Variants in CHD7 observed in about 807,000 individuals in gnomAD.
CHD7 encodes ATP-dependent chromatin remodeler CHD7.
CHD7 carries 24 observed loss-of-function variants against 307.3 expected under a neutral mutation model. The ratio of observed to expected loss-of-function variants is 0.08; its 90% CI spans 0.06 to 0.11. The LOEUF is 0.11. Among genes scored for constraint, CHD7 ranks in the 10% least tolerant of loss-of-function variants. The probability of loss-of-function intolerance (pLI) is 1.00; values close to 1 mark genes in which losing one functional copy is unlikely to be tolerated. For missense variants in CHD7, 3,106 were observed against 3,727.1 expected (o/e 0.83, Z 4.34); for synonymous variants, 1,363 against 1,349.9 (o/e 1.01, Z -0.21).
At chr8:60,798,753 A>G (rs1157979507) in intron 4 of CHD7, among the ~76,000 whole-genome samples, 4 of 152,222 alleles carry the variant, frequency 2.6e-5, no homozygotes, top group African/African-American at 9.6e-5. Flanking sequence ...GTGCTTTGCA[A>G]ACTCATTCCA....
intron 2 of CHD7, among the ~76,000 whole-genome samples, chr8:60,769,131 C>T (rs915226377): frequency 2.0e-5 from 3 of 152,126 alleles, no homozygotes; most frequent in Non-Finnish European, 2.9e-5. Context: ...TTTTTCAAAG[C>T]GTTCAGGTAT....
Position 60,853,252 on chromosome 8 carries a change from A to G in CHD7, c.6527A>G (p.Glu2176Gly). 1.2e-6 allele frequency: 2 copies of G among 1,613,500 alleles called. No homozygotes were observed. The highest frequency in any genetic ancestry group is 1.7e-6 in the Non-Finnish European group (2 of 1,179,526). ...CTGGAACAAGCCGAAGGCAAAGTGG[A>G]GGAGCCTGAAAACCCAGCTGCCAAG... The part of the protein sequence containing the change: ...RVLEQAEGKV[E>G]EPENPAAKEK... Residue 2176 changes from glutamate to glycine, a missense_variant, in exon 31 of 38, where the codon GAG becomes GGG. Glu to Gly is a moderately conservative substitution (Grantham distance 98, BLOSUM62 -2). This residue lies in a region of CHD7 where 1,030 missense variants were observed against 1,165.4 expected (regional missense o/e 0.88). Transcript: ENST00000423902.
intron 1 of CHD7, among the ~76,000 whole-genome samples, chr8:60,708,121 G>C (rs180974985): frequency 2.1e-4 from 32 of 152,284 alleles, no homozygotes; most frequent in Non-Finnish European, 2.6e-4. Flanking sequence ...GGAAGAATTT[G>C]GTCTAGGAGA....
At chr8:60,835,566 C>G (rs2150774456) in intron 15 of CHD7, among the ~76,000 whole-genome samples, 1 of 152,294 alleles carries the variant, frequency 6.6e-6, no homozygotes, top group Middle Eastern at 3.4e-3. Flanking sequence ...TTTTGTAGTT[C>G]CTTTGCCTAT....
At chr8:60,754,289 C>CT (rs1312964606) in intron 2 of CHD7, among the ~76,000 whole-genome samples, 2 of 152,196 alleles carry the variant, frequency 1.3e-5, no homozygotes, top group Non-Finnish European at 2.9e-5. Context: ...ATGATACATA[C>CT]TTAACTTCCC....
intron 2 of CHD7, among the ~76,000 whole-genome samples, chr8:60,763,927 G>T (rs572937176): frequency 1.3e-5 from 2 of 152,098 alleles, no homozygotes; most frequent in Non-Finnish European, 2.9e-5. Flanking sequence ...AGCATAGATG[G>T]GTCTGACTTC....
At chr8:60,715,174 A>G (rs1807528121) in intron 1 of CHD7, among the ~76,000 whole-genome samples, 1 of 152,178 alleles carries the variant, frequency 6.6e-6, no homozygotes, top group Non-Finnish European at 1.5e-5. Flanking sequence ...GACCGATGAG[A>G]GTGAAGAACT....
intron 32 of CHD7, 134 bp from the exon 33 acceptor site, chr8:60,855,841 G>T (rs1304185273): frequency 1.6e-6 from 1 of 634,502 alleles, no homozygotes; most frequent in East Asian, 2.7e-5. Flanking sequence ...TTCTTGCCTT[G>T]TTTTCTTTTA....
At chr8:60,775,860 C>A (rs1360534575) in intron 2 of CHD7, among the ~76,000 whole-genome samples, 1 of 152,176 alleles carries the variant, frequency 6.6e-6, no homozygotes, top group Non-Finnish European at 1.5e-5. Context: ...CGGGTTCAAG[C>A]AATTCTCCTG....
Position 60,781,343 on chromosome 8 carries a change from C to T in CHD7, c.2009C>T (p.Thr670Ile). Residue 670 changes from threonine to isoleucine, a missense_variant, in exon 3 of 38, where the codon ACC becomes ATC. Transcript: ENST00000423902. Reference sequence around the variant, plus strand: ...AAAAAAGAGCCCAAGGAACCCAAGACCCCGAAAGCCCCTAAGATTCCCAAA... The same window carrying T: ...AAAAAAGAGCCCAAGGAACCCAAGATCCCGAAAGCCCCTAAGATTCCCAAA... Reference protein sequence around the residue: ...KEKKEPKEPKTPKAPKIPKEP... With the variant: ...KEKKEPKEPKIPKAPKIPKEP... 1 of 1,567,354 alleles carries T rather than the reference C, an allele frequency of 6.4e-7. No individual in the cohort carries two copies. The highest frequency in any genetic ancestry group is 8.6e-7 in the Non-Finnish European group (1 of 1,160,046).
chr8:60,768,589 G>A (rs190642163), intron 2 of CHD7, among the ~76,000 whole-genome samples: 152 of 152,282 alleles, frequency 1.0e-3, no homozygotes, highest in Middle Eastern at 3.4e-3. Context: ...AGATAAATTC[G>A]TTCTGCATGT....
intron 1 of CHD7, among the ~76,000 whole-genome samples, chr8:60,686,694 A>G: frequency 6.6e-6 from 1 of 152,080 alleles, no homozygotes. Flanking sequence ...TTGTGTAGGG[A>G]AAGGTGTGCA....
intron 23 of CHD7, among the ~76,000 whole-genome samples, chr8:60,847,454 T>C (rs945164393): frequency 3.3e-5 from 5 of 152,246 alleles, no homozygotes; most frequent in Non-Finnish European, 5.9e-5. Flanking sequence ...CCCTGCTTCA[T>C]CATAGGGTTA....
chr8:60,867,196 C>T lies in CHD7; in HGVS notation c.*1263C>T, dbSNP rs545558594. 4 of 152,232 alleles carry T rather than the reference C, an allele frequency of 2.6e-5. No homozygotes were observed. Among genetic ancestry groups the T allele is most frequent in the East Asian group, 1.9e-4 (1 of 5,184 alleles). 9.4% of individuals were successfully genotyped at this position (152,232 alleles called of 1,614,324 possible). On this transcript the variant is annotated 3_prime_UTR_variant, in exon 38 of 38. Coordinates refer to ENST00000423902, the MANE Select transcript of CHD7 (RefSeq NM_017780.4). The stretch of plus-strand genomic sequence containing the variant: ...CGAGAATACTTAGAAATGTGTGCAG[C>T]GTGTGATAATGTGGTACACTGAAGA...
intron 15 of CHD7, among the ~76,000 whole-genome samples, chr8:60,835,227 G>A (rs541356866): frequency 2.6e-5 from 4 of 152,286 alleles, no homozygotes; most frequent in East Asian, 1.9e-4. Flanking sequence ...CTAAATAAGC[G>A]TGTGTCAGGC....
chr8:60,841,894 C>T lies in CHD7; in HGVS notation c.4692C>T (p.Leu1564=). 1 of 1,610,414 alleles carries T rather than the reference C, an allele frequency of 6.2e-7. No individual in the cohort carries two copies. The highest frequency in any genetic ancestry group is 1.1e-5 in the South Asian group (1 of 90,460). The part of the protein sequence containing the change: ...DTPRVRKQTR[L]YSAVKEDELM... Reference sequence around the variant, plus strand: ...CAAGAGTGAGAAAGCAGACCAGGCTCTACAGTGCAGTGAAGGAAGATGAGC... The same window carrying T: ...CAAGAGTGAGAAAGCAGACCAGGCTTTACAGTGCAGTGAAGGAAGATGAGC... Residue 1564 remains leucine, a synonymous_variant, in exon 21 of 38, where the codon CTC becomes CTT. Transcript: ENST00000423902.
chr8:60,838,017 G>A, intron 18 of CHD7, 59 bp from the exon 19 acceptor site: 1 of 1,340,142 alleles, frequency 7.5e-7, no homozygotes, highest in Non-Finnish European at 9.9e-7. Context: ...CATTTGTTTA[G>A]TCTGCAAACC....
chr8:60,794,175 G>A (rs1811906186), intron 3 of CHD7, among the ~76,000 whole-genome samples: 1 of 151,982 alleles, frequency 6.6e-6, no homozygotes, highest in Non-Finnish European at 1.5e-5. Context: ...GGAAGGTAGC[G>A]CTAAATGTAC....
Position 60,742,511 on chromosome 8 carries a change from G to C in CHD7, c.1079G>C (p.Gly360Ala), listed in dbSNP as rs768895123. The C allele has an allele frequency of 3.3e-5, 53 of 1,613,806 alleles. 3 individuals are homozygous for C. The South Asian group carries it at 5.4e-4, about 16-fold the overall frequency. ...GGATTCCCATCAAACAGTGGTCAAG[G>C]ACTAATGCACCAGCAGCCCATCCAC... Reference protein sequence around the residue: ...AVGFPSNSGQGLMHQQPIHPS... With the variant: ...AVGFPSNSGQALMHQQPIHPS... The change falls in exon 2 of 38, where the codon GGA (glycine) becomes GCA (alanine). Residue 360 changes from glycine (G) to alanine (A), a missense_variant. Physicochemically the swap from Gly to Ala is moderately conservative, Grantham distance 60 (BLOSUM62 0). Transcript: ENST00000423902.
Sources: allele counts gnomAD v4.1 joint callset (sites outside exome capture counted in the v4.1 genomes callset), GRCh38; gene constraint gnomAD v4.1.1; regional missense constraint gnomAD v4.1.1; transcripts MANE v1.5; gene names NCBI Gene and HGNC (gene_info 2026-07-23, HGNC 2026-07-21).